ACAD10: variants seen among roughly 807,000 people sequenced by gnomAD.
ACAD10 encodes the protein ACAD-10.
Under a neutral mutation model 116.8 loss-of-function variants are expected in ACAD10, and 112 were observed. That is an observed-to-expected ratio of 0.96 (90% CI 0.82 to 1.12). ACAD10 has a LOEUF of 1.12. ACAD10 is among the 50% of genes most tolerant of loss of function. ACAD10 has a pLI of 0.00. For missense variants in ACAD10, 1,259 were observed against 1,350.2 expected, an observed-to-expected ratio of 0.93 and a Z score of 1.06; for synonymous variants, 486 against 510.6, an observed-to-expected ratio of 0.95 and a Z score of 0.65.
intron 19 of ACAD10, 32 bp from the exon 20 acceptor site, chr12:111,755,636 T>C: frequency 6.3e-7 from 1 of 1,591,280 alleles, no homozygotes; most frequent in Admixed American, 1.7e-5. Flanking sequence ...TGCCCTCGGG[T>C]CTTTTATGAT....
rs753855603 is a variant in ACAD10, at chr12:111,715,975, G to A, written c.992+13G>A. ...AGAGGGAGTTCAGGTAAGTTTTCAG[G>A]GCCAGGGGAGCACTTGCCCACTAGC... On this transcript the variant is annotated intron_variant, in intron 7 of 20. Coordinates refer to ENST00000313698, the MANE Select transcript of ACAD10 (RefSeq NM_025247.6). 9 of 1,613,762 alleles carry A rather than the reference G, an allele frequency of 5.6e-6. No homozygotes were observed. Among genetic ancestry groups the A allele is most frequent in the Non-Finnish European group, 7.6e-6 (9 of 1,179,810 alleles).
At chr12:111,753,341 G>C in intron 18 of ACAD10, 1 of 373,868 alleles carries the variant, frequency 2.7e-6, no homozygotes, top group Non-Finnish European at 5.3e-6. Flanking sequence ...GGGCAGGAAG[G>C]GGTGCTGCGG....
At chr12:111,754,320 T>C (rs1858042427) in intron 19 of ACAD10, among the ~76,000 whole-genome samples, 1 of 152,160 alleles carries the variant, frequency 6.6e-6, no homozygotes, top group Non-Finnish European at 1.5e-5. Context: ...TTTTTAACCT[T>C]TTATTTATTT....
chr12:111,748,265 T>G, intron 16 of ACAD10, 52 bp from the exon 17 acceptor site: 1 of 1,605,904 alleles, frequency 6.2e-7, no homozygotes, highest in Non-Finnish European at 8.5e-7. Context: ...GTGTAGAGAT[T>G]TGATGGCCCT....
At position 111,749,163 on chromosome 12, in the gene ACAD10, G is replaced by A. The variant is rs773897723; in HGVS notation, c.2645-10G>A. 1.9e-5 allele frequency: 30 copies of A among 1,612,354 alleles called. No individual in the cohort carries two copies. Among genetic ancestry groups the A allele is most frequent in the Non-Finnish European group, 2.5e-5 (29 of 1,178,656 alleles). On this transcript the variant is annotated splice_polypyrimidine_tract_variant and intron_variant, in intron 17 of 20. Transcript: ENST00000313698. ...GGCTATTGCTCACAGTGATCGTTTGGGTCTTTCAGGTGGCCATGGTGAAGT... is the reference window on the plus strand; with the variant it reads ...GGCTATTGCTCACAGTGATCGTTTGAGTCTTTCAGGTGGCCATGGTGAAGT...
chr12:111,751,184 G>A (rs1446770265), intron 18 of ACAD10, among the ~76,000 whole-genome samples: 1 of 152,144 alleles, frequency 6.6e-6, no homozygotes, highest in Non-Finnish European at 1.5e-5. Flanking sequence ...GCAAAATTCT[G>A]AACAACCTAT....
intron 9 of ACAD10, among the ~76,000 whole-genome samples, chr12:111,728,446 C>T (rs962246402): frequency 6.6e-6 from 1 of 151,802 alleles, no homozygotes; most frequent in African/African-American, 2.4e-5. Flanking sequence ...TCTCACTAGA[C>T]CATTTAAATT....
intron 8 of ACAD10, among the ~76,000 whole-genome samples, chr12:111,726,460 C>G (rs993271829): frequency 2.6e-5 from 4 of 152,164 alleles, no homozygotes; most frequent in African/African-American, 9.7e-5. Flanking sequence ...GTCAGGCACT[C>G]TGTATGTTTG....
chr12:111,696,786 T>C (rs1239743296), intron 2 of ACAD10, among the ~76,000 whole-genome samples: 1 of 152,122 alleles, frequency 6.6e-6, no homozygotes, highest in African/African-American at 2.4e-5. Flanking sequence ...TCAAACACTT[T>C]AAGATTGAAT....
intron 1 of ACAD10, among the ~76,000 whole-genome samples, chr12:111,690,801 A>T (rs1251125311): frequency 6.7e-6 from 1 of 148,872 alleles, no homozygotes; most frequent in Non-Finnish European, 1.5e-5. Context: ...AAAAAAAAAG[A>T]GTTTCTGATT....
chr12:111,740,536 G>A (rs901501172), intron 12 of ACAD10, among the ~76,000 whole-genome samples: 1 of 150,244 alleles, frequency 6.7e-6, no homozygotes, highest in Non-Finnish European at 1.5e-5. Flanking sequence ...GAGGCGGGGG[G>A]ATCACGAGGT....
At chr12:111,713,121 G>A (rs540559231) in intron 6 of ACAD10, among the ~76,000 whole-genome samples, 1 of 151,296 alleles carries the variant, frequency 6.6e-6, no homozygotes, top group Admixed American at 6.6e-5. Flanking sequence ...GACCAGCCTG[G>A]CTAACTTGGT....
rs1174788544 is a variant in ACAD10, at chr12:111,709,653, A to G, written c.659A>G (p.Glu220Gly). 1.9e-6 allele frequency: 3 copies of G among 1,613,604 alleles called. No homozygotes were observed. The highest frequency in any genetic ancestry group is 2.5e-6 in the Non-Finnish European group (3 of 1,179,938). The stretch of plus-strand genomic sequence containing the variant: ...GATGACCTTGGAACAAATCTAAAAG[A>G]AGCTGCCAGACTTGGTATTCACACC... ...FLDDLGTNLK[E>G]AARLGIHTIK... Residue 220 changes from glutamate to glycine, a missense_variant, in exon 5 of 21, where the codon GAA becomes GGA. Coordinates refer to ENST00000313698, the MANE Select transcript of ACAD10 (RefSeq NM_025247.6).
chr12:111,745,873 G>A (rs1490233463), intron 13 of ACAD10, among the ~76,000 whole-genome samples: 1 of 128,314 alleles, frequency 7.8e-6, no homozygotes, highest in Non-Finnish European at 1.6e-5. Context: ...ACAGGGTCTC[G>A]CTTTGTCACC....
At chr12:111,739,660 A>C (rs1889673323) in intron 12 of ACAD10, among the ~76,000 whole-genome samples, 1 of 152,054 alleles carries the variant, frequency 6.6e-6, no homozygotes, top group Admixed American at 6.6e-5. Context: ...CGGGAGGCTG[A>C]GATAGGAGAA....
chr12:111,715,897 A>G lies in ACAD10; in HGVS notation c.927A>G (p.Leu309=), dbSNP rs1265852665. 6.2e-7 allele frequency: 1 copy of G among 1,614,012 alleles called. No individual in the cohort carries two copies. Among genetic ancestry groups the G allele is most frequent in the Non-Finnish European group, 8.5e-7 (1 of 1,180,034 alleles). ...TYYIRLANRD[L]VLRKKPPGTL... The stretch of plus-strand genomic sequence containing the variant: ...ACATCAGGCTGGCTAATCGTGATCT[A>G]GTTCTGAGGAAGAAGCCCCCAGGGA... Residue 309 remains leucine (L), a synonymous_variant, in exon 7 of 21, where the codon CTA becomes CTG. Transcript: ENST00000313698.
At position 111,692,807 on chromosome 12, in the gene ACAD10, G is replaced by A. The variant is rs148204415; in HGVS notation, c.98G>A (p.Arg33Gln). 823 of 1,614,092 alleles carry A rather than the reference G, an allele frequency of 5.1e-4. No homozygotes were observed. Among genetic ancestry groups the A allele is most frequent in the Non-Finnish European group, 6.3e-4 (748 of 1,180,046 alleles). ...HTQRRHQGSH[R>Q]WTHLGGSTYR... ...CAGCGCAGGCACCAGGGGTCCCACC[G>A]ATGGACACACCTTGGAGGCAGCACC... Residue 33 changes from arginine (R) to glutamine (Q), a missense_variant, in exon 2 of 21, where the codon CGA becomes CAA. Transcript: ENST00000313698.
Position 111,746,268 on chromosome 12 carries a change from C to T in ACAD10, c.2240C>T (p.Ser747Phe). The part of the protein sequence containing the change: ...YAHLCELMGT[S>F]LYAPEVCNCS... Reference sequence around the variant, plus strand: ...CATCTGTGTGAGCTCATGGGCACGTCCCTGTATGCCCCCGAGGTACCTTCT... The same window carrying T: ...CATCTGTGTGAGCTCATGGGCACGTTCCTGTATGCCCCCGAGGTACCTTCT... The change falls in exon 14 of 21, where the codon TCC (serine) becomes TTC (phenylalanine). Residue 747 changes from serine to phenylalanine, a missense_variant. By Grantham distance (155) the Ser-to-Phe change is radical. Transcript: ENST00000313698. The T allele has an allele frequency of 1.2e-6, 2 of 1,612,496 alleles. No homozygotes were observed. Among genetic ancestry groups the T allele is most frequent in the East Asian group, 4.5e-5 (2 of 44,832 alleles).
chr12:111,747,511 C>G (rs958400133), intron 16 of ACAD10, 126 bp downstream of exon 16: 1 of 1,525,814 alleles, frequency 6.6e-7, no homozygotes, highest in Non-Finnish European at 8.8e-7. Flanking sequence ...TGTCACTTAG[C>G]GCCCCCAGCA....
Sources: allele counts gnomAD v4.1 joint callset (sites outside exome capture counted in the v4.1 genomes callset), GRCh38; gene constraint gnomAD v4.1.1; transcripts MANE v1.5; gene names NCBI Gene and HGNC (gene_info 2026-07-23, HGNC 2026-07-21).